OPRD1: variants seen among roughly 807,000 people sequenced by gnomAD.
OPRD1 encodes opioid receptor delta 1, also known as delta-type opioid receptor.
In OPRD1, 19 loss-of-function variants were observed where a neutral mutation model predicts 17.5. That is an observed-to-expected ratio of 1.09 (90% confidence interval 0.76 to 1.60). The LOEUF (loss-of-function observed/expected upper bound fraction) is 1.60. Among genes scored for constraint, OPRD1 ranks in the 40% most tolerant of loss-of-function variants. The pLI is 0.00. For missense variants in OPRD1, 483 were observed against 547.2 expected, an observed-to-expected ratio of 0.88 and a Z score of 1.17; for synonymous variants, 256 against 240.9, an observed-to-expected ratio of 1.06 and a Z score of -0.58.
At chr1:28,858,215 G>A (rs1287981854) in intron 1 of OPRD1, among the ~76,000 whole-genome samples, 2 of 149,086 alleles carry the variant, frequency 1.3e-5, no homozygotes, top group African/African-American at 2.5e-5. Context: ...CCGGGTTCAC[G>A]CCATTCTCCT....
chr1:28,854,334 C>T lies in OPRD1; in HGVS notation c.228-4620C>T, dbSNP rs112877978. On this transcript the variant is annotated intron_variant, in intron 1 of 2. Coordinates refer to ENST00000234961, the MANE Select transcript of OPRD1 (RefSeq NM_000911.4). The stretch of plus-strand genomic sequence containing the variant: ...CTCCAACTCCCAGGATCAAGTGTTC[C>T]TCCTTCCTCTGCCTCCTGAGTAGCT... 3.9e-5 allele frequency among the ~76,000 whole-genome samples: 6 copies of T among 152,202 alleles called. 1 individual carries two copies. Among genetic ancestry groups the T allele is most frequent in the African/African-American group, 1.4e-4 (6 of 41,508 alleles).
intron 1 of OPRD1, among the ~76,000 whole-genome samples, chr1:28,833,646 A>G (rs547571096): frequency 6.6e-6 from 1 of 152,338 alleles, no homozygotes; most frequent in East Asian, 1.9e-4. Flanking sequence ...GTCTGATAAA[A>G]TAGCCGGGTA....
chr1:28,827,023 G>A (rs1300742224), intron 1 of OPRD1, among the ~76,000 whole-genome samples: 1 of 152,166 alleles, frequency 6.6e-6, no homozygotes, highest in Non-Finnish European at 1.5e-5. Flanking sequence ...GGCCAGAAGC[G>A]GTGGCTTACG....
At chr1:28,845,793 C>T (rs487466) in intron 1 of OPRD1, among the ~76,000 whole-genome samples, 64,360 of 151,630 alleles carry the variant, frequency 0.42, 15,354 homozygotes, top group East Asian at 0.87. Flanking sequence ...CCTTTTGTAA[C>T]AGAAAAAAAA....
intron 1 of OPRD1, among the ~76,000 whole-genome samples, chr1:28,813,081 C>T (rs1197082782): frequency 6.6e-6 from 1 of 151,978 alleles, no homozygotes; most frequent in African/African-American, 2.4e-5. Flanking sequence ...TGGGTGTCAG[C>T]ACCTCGCCGT....
intron 1 of OPRD1, among the ~76,000 whole-genome samples, chr1:28,849,047 A>T (rs1277025155): frequency 6.6e-6 from 1 of 152,136 alleles, no homozygotes; most frequent in East Asian, 1.9e-4. Flanking sequence ...GTTAACATGG[A>T]GGAAGTCTGG....
chr1:28,845,478 C>CA lies in OPRD1; in HGVS notation c.228-13459dup, dbSNP rs11361906. The stretch of plus-strand genomic sequence containing the variant: ...TGGGCGACAGAGTGAGACTCCATCT[C>CA]AAAAAAAAAAAAAAAAATTGATATA... On this transcript the variant is annotated intron_variant, in intron 1 of 2. Transcript: ENST00000234961. 2.7e-3 allele frequency among the ~76,000 whole-genome samples: 331 copies of CA among 121,698 alleles called. 4 individuals carry two copies. The highest frequency in any genetic ancestry group is 6.9e-3 in the African/African-American group (213 of 30,956). 79.8% of individuals were successfully genotyped at this position (121,698 alleles called of 152,430 possible). A position where few individuals can be genotyped will look rare whatever the true frequency, so the allele number is the denominator to read the frequency against.
At chr1:28,853,335 G>A (rs184118996) in intron 1 of OPRD1, among the ~76,000 whole-genome samples, 6 of 152,308 alleles carry the variant, frequency 3.9e-5, no homozygotes, top group East Asian at 3.9e-4. Context: ...GATCAAGGGG[G>A]CCTTGGGTTA....
chr1:28,842,735 C>T (rs1005704490), intron 1 of OPRD1, among the ~76,000 whole-genome samples: 10 of 152,068 alleles, frequency 6.6e-5, no homozygotes, highest in Non-Finnish European at 8.8e-5. Flanking sequence ...CCAGTCCCTA[C>T]CCCCTGATTG....
At chr1:28,824,171 C>A (rs2088742171) in intron 1 of OPRD1, among the ~76,000 whole-genome samples, 1 of 140,176 alleles carries the variant, frequency 7.1e-6, no homozygotes, top group Admixed American at 7.2e-5. Flanking sequence ...AGAGTGAGAA[C>A]CTATCTCCAA....
intron 1 of OPRD1, among the ~76,000 whole-genome samples, chr1:28,815,529 G>A (rs924138212): frequency 1.3e-5 from 2 of 152,180 alleles, no homozygotes; most frequent in Non-Finnish European, 2.9e-5. Context: ...AAGGGCTGGC[G>A]CTCAGTCCTT....
intron 1 of OPRD1, among the ~76,000 whole-genome samples, chr1:28,814,627 T>C (rs1188441008): frequency 6.6e-6 from 1 of 152,184 alleles, no homozygotes; most frequent in Non-Finnish European, 1.5e-5. Flanking sequence ...TCTGGCTGGT[T>C]GGCTGACTGA....
At chr1:28,846,719 C>T (rs533887260) in intron 1 of OPRD1, among the ~76,000 whole-genome samples, 186 of 145,836 alleles carry the variant, frequency 1.3e-3, no homozygotes, top group African/African-American at 4.3e-3. Context: ...AGAGAGAGAG[C>T]GAGCAAGCTC....
intron 1 of OPRD1, among the ~76,000 whole-genome samples, chr1:28,825,517 C>G (rs999740463): frequency 2.6e-5 from 4 of 152,340 alleles, no homozygotes; most frequent in Non-Finnish European, 5.9e-5. Flanking sequence ...TCCTGAGTAG[C>G]TTGGATTACA....
intron 1 of OPRD1, among the ~76,000 whole-genome samples, chr1:28,851,986 T>C (rs1200913270): frequency 1.4e-5 from 2 of 145,850 alleles, no homozygotes; most frequent in African/African-American, 2.6e-5. Flanking sequence ...GCTAACACAG[T>C]GAAACCCCAT....
chr1:28,814,743 C>T (rs986097120), intron 1 of OPRD1, among the ~76,000 whole-genome samples: 1 of 152,228 alleles, frequency 6.6e-6, no homozygotes, highest in East Asian at 1.9e-4. Context: ...TCCCACACAG[C>T]CTTCCCGGAA....
At position 28,868,941 on chromosome 1, in the gene OPRD1, T is replaced by G. The variant is rs957848379; in HGVS notation, c.*5658T>G. The G allele has an allele frequency of 6.6e-6, 1 of 152,196 alleles. No individual in the cohort carries two copies. The highest frequency in any genetic ancestry group is 2.4e-5 in the African/African-American group (1 of 41,436). 9.4% of individuals were successfully genotyped at this position (152,196 alleles called of 1,614,324 possible). On this transcript the variant is annotated 3_prime_UTR_variant, in exon 3 of 3. Transcript: ENST00000234961. ...ACAACAGTCCAGGCTGGGCACCTGC[T>G]GGGTCTCTGTCCAAAGGCCAGCCCT...
intron 1 of OPRD1, among the ~76,000 whole-genome samples, chr1:28,813,230 C>T (rs1439982298): frequency 6.6e-6 from 1 of 152,194 alleles, no homozygotes; most frequent in Non-Finnish European, 1.5e-5. Context: ...GGCGGCAGAG[C>T]ATCCGGAGTG....
intron 1 of OPRD1, among the ~76,000 whole-genome samples, chr1:28,830,320 C>G (rs968689035): frequency 6.6e-6 from 1 of 151,684 alleles, no homozygotes; most frequent in African/African-American, 2.4e-5. Flanking sequence ...CCCAGGAGTT[C>G]GAGACCAGCC....
Sources: gnomAD v4.1 joint callset for allele counts (sites outside exome capture counted in the v4.1 genomes callset) on GRCh38, gnomAD v4.1.1 for gene constraint, MANE v1.5 for transcripts, NCBI Gene and HGNC (gene_info 2026-07-23, HGNC 2026-07-21) for gene names.